DNMT3B: variants seen among roughly 807,000 people sequenced by gnomAD.
The protein encoded by DNMT3B is DNA (cytosine-5)-methyltransferase 3B.
A neutral mutation model predicts 120.2 loss-of-function variants in DNMT3B; 37 were observed. The observed-to-expected ratio is 0.31, with a 90% confidence interval of 0.24 to 0.40. DNMT3B has a LOEUF of 0.40. Among genes scored for constraint, DNMT3B ranks in the 10% least tolerant of loss-of-function variants. The pLI, the probability that DNMT3B is intolerant of heterozygous loss-of-function variation, is 1.00. For missense variants in DNMT3B, 878 were observed against 1,137.3 expected (o/e 0.77, Z 3.28); for synonymous variants, 412 against 442.8 (o/e 0.93, Z 0.87).
At chr20:32,794,633 C>T (rs1980395724) in intron 10 of DNMT3B, among the ~76,000 whole-genome samples, 1 of 152,132 alleles carries the variant, frequency 6.6e-6, no homozygotes, top group Non-Finnish European at 1.5e-5. Flanking sequence ...TCATTGCCCT[C>T]CAGCCTGGGC....
At position 32,780,408 on chromosome 20, in the gene DNMT3B, G is replaced by A. The variant is rs775216151; in HGVS notation, c.85G>A (p.Asp29Asn). Residue 29 changes from aspartate (D) to asparagine (N), a missense_variant, in exon 2 of 23, where the codon GAC becomes AAC. Asp to Asn is a conservative substitution (Grantham distance 23, BLOSUM62 1). This residue lies in a region of DNMT3B where 287 missense variants were observed against 306.2 expected (regional missense o/e 0.94). Coordinates refer to ENST00000328111, the MANE Select transcript of DNMT3B (RefSeq NM_006892.4). ...GATCCTCGTCAACGGGGCCTGCAGC[G>A]ACCAGTCCTCCGACTCGCCCCCAAT... ...DSILVNGACSDQSSDSPPILE... is the reference protein window; with the variant it reads ...DSILVNGACSNQSSDSPPILE... 3.2e-5 allele frequency: 52 copies of A among 1,613,764 alleles called. No homozygotes were observed. Among genetic ancestry groups the A allele is most frequent in the Non-Finnish European group, 4.1e-5 (48 of 1,180,012 alleles).
intron 5 of DNMT3B, 72 bp from the exon 6 acceptor site, chr20:32,787,158 T>TG (rs1239834856): frequency 8.9e-6 from 14 of 1,573,028 alleles, no homozygotes; most frequent in Non-Finnish European, 1.1e-5. Flanking sequence ...AGGAGCCATA[T>TG]GGGGGTGCCG....
chr20:32,808,195 T>G lies in DNMT3B; in HGVS notation c.*292T>G. The stretch of plus-strand genomic sequence containing the variant: ...TTGAAGTAGGTAGCAACGTGGCTTT[T>G]TTTTTTTCCCTTCCTGGGTCTACCA... On this transcript the variant is annotated 3_prime_UTR_variant, in exon 23 of 23. Coordinates refer to ENST00000328111, the MANE Select transcript of DNMT3B (RefSeq NM_006892.4). 1 of 455,994 alleles carries G rather than the reference T, an allele frequency of 2.2e-6. No individual in the cohort carries two copies. The highest frequency in any genetic ancestry group is 3.6e-5 in the Admixed American group (1 of 27,480). 28.2% of individuals were successfully genotyped at this position (455,994 alleles called of 1,614,324 possible).
At chr20:32,769,290 T>C (rs980017145) in intron 1 of DNMT3B, among the ~76,000 whole-genome samples, 5 of 152,112 alleles carry the variant, frequency 3.3e-5, no homozygotes, top group African/African-American at 1.2e-4. Context: ...GGTTTCACCA[T>C]GTTCGCCAGG....
intron 1 of DNMT3B, among the ~76,000 whole-genome samples, chr20:32,771,564 G>A (rs1159761952): frequency 1.3e-5 from 2 of 151,256 alleles, no homozygotes; most frequent in African/African-American, 2.4e-5. Context: ...AACCCAGGAG[G>A]TGGAGGGGTT....
chr20:32,807,982 G>A lies in DNMT3B; in HGVS notation c.*79G>A. On this transcript the variant is annotated 3_prime_UTR_variant, in exon 23 of 23. Transcript: ENST00000328111. ...GGTGTGATTCCTGAAGGCATCCCCA[G>A]GCCCTGCTCTTCCTCAGCTGTGTGG... 1 of 1,610,750 alleles carries A rather than the reference G, an allele frequency of 6.2e-7. No homozygotes were observed. The highest frequency in any genetic ancestry group is 8.5e-7 in the Non-Finnish European group (1 of 1,178,384).
chr20:32,767,272 GT>G (rs1987437149), intron 1 of DNMT3B, among the ~76,000 whole-genome samples: 1 of 151,958 alleles, frequency 6.6e-6, no homozygotes, highest in African/African-American at 2.4e-5. Context: ...ATATTGTAGG[GT>G]TTAGTGTTCC....
chr20:32,769,077 C>T (rs974338843), intron 1 of DNMT3B, among the ~76,000 whole-genome samples: 10 of 152,162 alleles, frequency 6.6e-5, no homozygotes, highest in African/African-American at 2.4e-4. Flanking sequence ...TGCATTAAAA[C>T]ACTGTTGCAA....
chr20:32,775,580 G>A (rs1988026918), intron 1 of DNMT3B, among the ~76,000 whole-genome samples: 1 of 152,194 alleles, frequency 6.6e-6, no homozygotes, highest in African/African-American at 2.4e-5. Context: ...GCTTGTGGGT[G>A]GGCCCACCCA....
chr20:32,769,582 G>A (rs1987593769), intron 1 of DNMT3B, among the ~76,000 whole-genome samples: 1 of 152,108 alleles, frequency 6.6e-6, no homozygotes, highest in Non-Finnish European at 1.5e-5. Flanking sequence ...GACAGTTTTT[G>A]AAAAGTGGTT....
chr20:32,807,688 G>C lies in DNMT3B; in HGVS notation c.2421-74G>C, dbSNP rs1982118512. Reference sequence around the variant, plus strand: ...GGGATGGCGAGGGCAGAAAGAGTGGGACCTGGCTGGTTGAGGCTGTCAACA... The same window carrying C: ...GGGATGGCGAGGGCAGAAAGAGTGGCACCTGGCTGGTTGAGGCTGTCAACA... On this transcript the variant is annotated intron_variant, in intron 22 of 22. Coordinates refer to ENST00000328111, the MANE Select transcript of DNMT3B (RefSeq NM_006892.4). The C allele has an allele frequency of 1.9e-6, 3 of 1,604,988 alleles. No homozygotes were observed. In the South Asian group the frequency reaches 3.3e-5, roughly 18 times the overall value.
intron 1 of DNMT3B, among the ~76,000 whole-genome samples, chr20:32,774,968 C>T (rs1025694654): frequency 7.9e-5 from 12 of 151,950 alleles, no homozygotes; most frequent in Non-Finnish European, 1.6e-4. Flanking sequence ...GTGATCAACC[C>T]GCTTCAGCCT....
At chr20:32,791,979 G>A (rs1980021892) in intron 8 of DNMT3B, among the ~76,000 whole-genome samples, 1 of 152,346 alleles carries the variant, frequency 6.6e-6, no homozygotes, top group South Asian at 2.1e-4. Flanking sequence ...ATCAGTGAAT[G>A]TGCTTTTCCA....
chr20:32,792,539 T>C, intron 8 of DNMT3B, 87 bp from the exon 9 acceptor site: 2 of 1,608,312 alleles, frequency 1.2e-6, no homozygotes, highest in African/African-American at 1.3e-5. Flanking sequence ...AAGGGGAATG[T>C]AGGCCCTGGC....
chr20:32,804,157 G>C (rs1385999042), intron 20 of DNMT3B, among the ~76,000 whole-genome samples: 1 of 152,158 alleles, frequency 6.6e-6, no homozygotes, highest in Non-Finnish European at 1.5e-5. Context: ...TAGGCTATGA[G>C]GTGGAAAGAG....
chr20:32,800,512 G>T (rs1465554742), intron 17 of DNMT3B, among the ~76,000 whole-genome samples: 1 of 152,160 alleles, frequency 6.6e-6, no homozygotes, highest in Admixed American at 6.6e-5. Flanking sequence ...CCTCTGGAGT[G>T]CAGTGGCATG....
chr20:32,782,091 C>T (rs538971491), intron 3 of DNMT3B, among the ~76,000 whole-genome samples: 7 of 152,088 alleles, frequency 4.6e-5, no homozygotes, highest in Non-Finnish European at 8.8e-5. Flanking sequence ...ATCTTCCAGC[C>T]GTGAAATCAT....
intron 21 of DNMT3B, 40 bp downstream of exon 21, chr20:32,805,447 G>A: frequency 1.2e-6 from 2 of 1,612,754 alleles, no homozygotes; most frequent in South Asian, 2.2e-5. Flanking sequence ...TGCACTTGGT[G>A]ACCTCCAAGT....
At position 32,786,554 on chromosome 20, in the gene DNMT3B, C is replaced by A. The variant is rs1468133028; in HGVS notation, c.359C>A (p.Ser120Tyr). Residue 120 changes from serine (S) to tyrosine (Y), a missense_variant, in exon 5 of 23, where the codon TCC (serine) becomes TAC (tyrosine). By Grantham distance (144) the Ser-to-Tyr change is moderately radical. Transcript: ENST00000328111. ...TCCAGCCGGGAGAGGCACAGGCCTT[C>A]CCCACGTTCCACCCGAGGCCGGCAG... ...SVSSRERHRP[S>Y]PRSTRGRQGR... The A allele has an allele frequency of 6.2e-7, 1 of 1,613,854 alleles. No individual in the cohort carries two copies. The highest frequency in any genetic ancestry group is 1.3e-5 in the African/African-American group (1 of 74,952).
Sources: allele counts gnomAD v4.1 joint callset (sites outside exome capture counted in the v4.1 genomes callset), GRCh38; gene constraint gnomAD v4.1.1; regional missense constraint gnomAD v4.1.1; transcripts MANE v1.5; gene names NCBI Gene and HGNC (gene_info 2026-07-23, HGNC 2026-07-21).